Variants in PDE4D observed in about 807,000 individuals in gnomAD.
PDE4D encodes phosphodiesterase 4D.
In PDE4D, 24 loss-of-function variants were observed where a neutral mutation model predicts 87.4. The ratio of observed to expected loss-of-function variants is 0.27; its 90% CI spans 0.20 to 0.39. PDE4D has a LOEUF of 0.39. Among genes scored for constraint, PDE4D ranks in the 10% least tolerant of loss-of-function variants. PDE4D has a pLI of 1.00. For synonymous variants in PDE4D, 384 were observed against 383.2 expected, an observed-to-expected ratio of 1.00 and a Z score of -0.02; for missense variants, 714 against 1,041.0, an observed-to-expected ratio of 0.69 and a Z score of 4.32.
rs145900903 is a variant in PDE4D at position 59,529,017 on chromosome 5, C to T, written c.456-313049G>A. 4.1e-4 allele frequency: 192 copies of T among 470,992 alleles called. 2 individuals carry two copies. Among genetic ancestry groups the T allele is most frequent in the African/African-American group, 3.2e-3 (165 of 50,804 alleles). The allele number at this position is 470,992 out of a possible 1,614,324, so 29.2% of individuals were successfully genotyped here. ...AACAAGAGTACCTGCTTCAGTACAA[C>T]AACCAACTCTAACCACCAAGGGCTC... On this transcript the variant is annotated intron_variant, in intron 1 of 14. Transcript: ENST00000340635.
chr5:60,113,831 T>A lies in PDE4D; in HGVS notation c.42+71726A>T, dbSNP rs192192810. Among the ~76,000 whole-genome samples, 971 of 152,096 alleles carry A rather than the reference T, an allele frequency of 6.4e-3. 11 individuals carry two copies. The highest frequency in any genetic ancestry group is 0.022 in the African/African-American group (918 of 41,486). ...TATTAAACAACAAGAACAAAAAAAA[T>A]TTCTCCCTTGACCCTATAACGTCTA... On this transcript the variant is annotated intron_variant, in intron 2 of 16. Coordinates refer to the PDE4D transcript ENST00000502484.
At chr5:60,437,456 A>G (rs902995153) in intron 1 of PDE4D, among the ~76,000 whole-genome samples, 1 of 152,166 alleles carries the variant, frequency 6.6e-6, no homozygotes. Context: ...TTGACTCTAC[A>G]GCACAAGAAA....
intron 1 of PDE4D, among the ~76,000 whole-genome samples, chr5:59,658,088 T>C (rs1744660291): frequency 6.6e-6 from 1 of 151,972 alleles, no homozygotes; most frequent in Admixed American, 6.5e-5. Context: ...TAAACGCATA[T>C]TAAGTAGAAA....
At chr5:59,837,082 C>T (rs535069074) in intron 1 of PDE4D, among the ~76,000 whole-genome samples, 2 of 152,112 alleles carry the variant, frequency 1.3e-5, no homozygotes, top group South Asian at 2.1e-4. Context: ...TTATCGTTTA[C>T]AGTTCTCCAT....
At chr5:59,571,746 G>T (rs1419877082) in intron 1 of PDE4D, among the ~76,000 whole-genome samples, 1 of 152,156 alleles carries the variant, frequency 6.6e-6, no homozygotes, top group East Asian at 1.9e-4. Context: ...TTTATATCCT[G>T]TATTCAAGAA....
intron 1 of PDE4D, among the ~76,000 whole-genome samples, chr5:59,600,416 T>C (rs1250043116): frequency 2.0e-5 from 3 of 152,198 alleles, no homozygotes; most frequent in Non-Finnish European, 4.4e-5. Context: ...AAGGACAAAG[T>C]GCTAAGATGG....
chr5:60,029,038 T>C (rs2152858148), intron 2 of PDE4D, among the ~76,000 whole-genome samples: 1 of 152,360 alleles, frequency 6.6e-6, no homozygotes, highest in Middle Eastern at 3.4e-3. Context: ...AAATTAAAAA[T>C]TGCTTTATGG....
intron 1 of PDE4D, among the ~76,000 whole-genome samples, chr5:60,504,960 T>C (rs942393555): frequency 6.6e-6 from 1 of 152,208 alleles, no homozygotes. Flanking sequence ...GTGACATTCA[T>C]TTTGTTCCAA....
intron 1 of PDE4D, among the ~76,000 whole-genome samples, chr5:59,410,229 G>A (rs957014569): frequency 6.7e-6 from 1 of 149,752 alleles, no homozygotes; most frequent in Non-Finnish European, 1.5e-5. Flanking sequence ...CTATCTCCAC[G>A]AGTTCAAGTG....
intron 5 of PDE4D, among the ~76,000 whole-genome samples, chr5:59,172,265 T>C (rs1783096685): frequency 8.2e-6 from 1 of 122,342 alleles, no homozygotes; most frequent in Non-Finnish European, 1.6e-5. Flanking sequence ...AATATATATT[T>C]ATACAATTTA....
intron 2 of PDE4D, among the ~76,000 whole-genome samples, chr5:59,209,342 T>G (rs1402387234): frequency 3.3e-5 from 5 of 152,010 alleles, no homozygotes; most frequent in African/African-American, 1.2e-4. Context: ...CCCACCACCA[T>G]GCCCAGCAAA....
chr5:59,962,354 G>A (rs1434933529), intron 3 of PDE4D, among the ~76,000 whole-genome samples: 1 of 151,930 alleles, frequency 6.6e-6, no homozygotes, highest in Non-Finnish European at 1.5e-5. Context: ...TTTCTGATTT[G>A]ATATAAAATG....
chr5:58,999,314 A>G, intron 6 of PDE4D, among the ~76,000 whole-genome samples: 1 of 152,162 alleles, frequency 6.6e-6, no homozygotes, highest in Non-Finnish European at 1.5e-5. Flanking sequence ...TCAAACTACA[A>G]CTGATGAAAG....
At chr5:59,757,572 C>A (rs1761429694) in intron 1 of PDE4D, among the ~76,000 whole-genome samples, 1 of 152,110 alleles carries the variant, frequency 6.6e-6, no homozygotes, top group African/African-American at 2.4e-5. Flanking sequence ...CTCTATCTGG[C>A]CACCTAGGTC....
At chr5:60,057,994 G>A (rs1288818602) in intron 2 of PDE4D, among the ~76,000 whole-genome samples, 1 of 151,922 alleles carries the variant, frequency 6.6e-6, no homozygotes, top group Non-Finnish European at 1.5e-5. Context: ...TAAATCTTCT[G>A]CTTTGTAGTT....
chr5:59,859,957 A>C (rs925141562), intron 1 of PDE4D, among the ~76,000 whole-genome samples: 3 of 152,306 alleles, frequency 2.0e-5, no homozygotes, highest in Admixed American at 6.5e-5. Context: ...AGGCCCACAG[A>C]CTCTTAAACA....
chr5:59,441,532 G>A lies in PDE4D; in HGVS notation c.456-225564C>T, dbSNP rs116299217. ...GATTCCCAGATGCTTCACCATCCTG[G>A]CAACACCCTTCTGGACTGATTGCTC... On this transcript the variant is annotated intron_variant, in intron 1 of 14. Transcript: ENST00000340635. Among the ~76,000 whole-genome samples, 819 of 152,242 alleles carry A rather than the reference G, an allele frequency of 5.4e-3. 7 individuals carry two copies. The highest frequency in any genetic ancestry group is 0.018 in the African/African-American group (747 of 41,524).
In PDE4D at chr5:60,322,413, CACAA is replaced by C. The variant is rs575973006; in HGVS notation, c.-89-136730_-89-136727del. ...ACACACACACACACACACACACACACACAAAACCCTAACATATTTCAAACTTTTT... is the reference window on the plus strand; with the variant it reads ...ACACACACACACACACACACACACACAACCCTAACATATTTCAAACTTTTT... On this transcript the variant is annotated intron_variant, in intron 1 of 16. Coordinates refer to the PDE4D transcript ENST00000502484. 3.7e-3 allele frequency among the ~76,000 whole-genome samples: 505 copies of C among 138,282 alleles called. 5 individuals are homozygous for C. The highest frequency in any genetic ancestry group is 0.014 in the African/African-American group (491 of 34,598). 90.7% of individuals were successfully genotyped at this position (138,282 alleles called of 152,430 possible).
intron 2 of PDE4D, among the ~76,000 whole-genome samples, chr5:60,142,483 AC>A (rs1295595213): frequency 3.9e-5 from 6 of 152,168 alleles, no homozygotes; most frequent in Non-Finnish European, 7.4e-5. Flanking sequence ...AAAAAACATT[AC>A]TTTTAACTCT....
Sources: allele counts gnomAD v4.1 joint callset (sites outside exome capture counted in the v4.1 genomes callset), GRCh38; gene constraint gnomAD v4.1.1; transcripts MANE v1.5; gene names NCBI Gene and HGNC (gene_info 2026-07-23, HGNC 2026-07-21).